SLC15A4: variants seen among roughly 807,000 people sequenced by gnomAD.
SLC15A4 encodes the protein hPHT1.
A neutral mutation model predicts 46.1 loss-of-function variants in SLC15A4; 26 were observed. The observed-to-expected ratio is 0.56, with a 90% CI of 0.41 to 0.78. SLC15A4 has a LOEUF of 0.78. SLC15A4 is among the 30% of genes least tolerant of loss of function. The pLI is 0.00. For missense variants in SLC15A4, 751 were observed against 755.7 expected (o/e 0.99, Z 0.07); for synonymous variants, 370 against 333.4 (o/e 1.11, Z -1.20).
At chr12:128,822,859 A>T (rs1168796806) in intron 1 of SLC15A4, among the ~76,000 whole-genome samples, 5 of 148,262 alleles carry the variant, frequency 3.4e-5, no homozygotes, top group Non-Finnish European at 5.9e-5. Context: ...TTATTTATTT[A>T]TTTTTTTGAG....
intron 3 of SLC15A4, chr12:128,809,675 C>A: frequency 1.8e-6 from 1 of 543,538 alleles, no homozygotes; most frequent in Admixed American, 3.7e-5. Flanking sequence ...AAAAGAATGG[C>A]CAGTTATCCA....
intron 7 of SLC15A4, among the ~76,000 whole-genome samples, chr12:128,794,740 G>A (rs772523258): frequency 6.6e-6 from 1 of 152,174 alleles, no homozygotes; most frequent in South Asian, 2.1e-4. Context: ...GGACAGTGTC[G>A]ACGGAGAGTG....
chr12:128,805,764 T>A (rs1399545783), intron 5 of SLC15A4, among the ~76,000 whole-genome samples: 2 of 152,174 alleles, frequency 1.3e-5, no homozygotes, highest in Non-Finnish European at 2.9e-5. Flanking sequence ...ACTCCCAACC[T>A]CAGGTGATCT....
intron 1 of SLC15A4, 158 bp from the exon 2 acceptor site, chr12:128,815,228 A>C (rs1955734913): frequency 4.4e-6 from 3 of 686,730 alleles, no homozygotes; most frequent in Non-Finnish European, 7.3e-6. Flanking sequence ...ACGGATCTCA[A>C]CAAAAAGCAC....
chr12:128,823,478 C>A lies in SLC15A4; in HGVS notation c.466G>T (p.Ala156Ser), dbSNP rs1044452337. ...ACCAGCACCAGCCCCGCGAAGGTGG[C>A]CGGTGAGCAGCAGCGGGCGGCGGCG... Reference protein sequence around the residue: ...PDAAARCCSPATFAGLVLVGL... With the variant: ...PDAAARCCSPSTFAGLVLVGL... Residue 156 changes from alanine (A) to serine (S), a missense_variant, in exon 1 of 8, where the codon GCC (alanine) becomes TCC (serine). Transcript: ENST00000266771. The A allele has an allele frequency of 2.7e-6, 4 of 1,484,800 alleles. No homozygotes were observed. Among genetic ancestry groups the A allele is most frequent in the Middle Eastern group, 2.3e-4 (1 of 4,334 alleles). The allele number at this position is 1,484,800 out of a possible 1,614,324, so 92.0% of individuals were successfully genotyped here.
At position 128,795,664 on chromosome 12, in the gene SLC15A4, G is replaced by A. The variant is rs921251324; in HGVS notation, c.1574-1308C>T. ...GCAAACTGGCAGTCTCTCCGCCAGA[G>A]AACAGAGTTCAGCCAGCACCGGCTA... On this transcript the variant is annotated intron_variant, in intron 7 of 7. Transcript: ENST00000266771. Among the ~76,000 whole-genome samples, 9 of 152,252 alleles carry A rather than the reference G, an allele frequency of 5.9e-5. No individual in the cohort carries two copies. The East Asian group carries it at 1.7e-3, about 29-fold the overall frequency.
intron 7 of SLC15A4, among the ~76,000 whole-genome samples, chr12:128,798,124 C>A (rs1247708758): frequency 4.6e-5 from 7 of 152,188 alleles, no homozygotes; most frequent in African/African-American, 1.7e-4. Context: ...CGAGAATGAC[C>A]AGCCAATCCT....
At position 128,800,882 on chromosome 12, in the gene SLC15A4, C is replaced by T. The variant is rs1444969270; in HGVS notation, c.1386G>A (p.Gly462=). The T allele has an allele frequency of 3.1e-6, 5 of 1,613,200 alleles. 1 individual carries two copies. Among genetic ancestry groups the T allele is most frequent in the South Asian group, 2.2e-5 (2 of 90,910 alleles). The part of the protein sequence containing the change: ...WWQVPQYLLI[G]ISEIFASIAG... The stretch of plus-strand genomic sequence containing the variant: ...CGATACTTGCAAAGATCTCGCTGAT[C>T]CCAATCAGCAAGTACTGCGGCACCT... The change falls in exon 6 of 8, where the codon GGG becomes GGA. Residue 462 remains glycine (G), a synonymous_variant. Transcript: ENST00000266771.
At chr12:128,799,469 T>G in intron 6 of SLC15A4, 52 bp from the exon 7 acceptor site, 1 of 1,597,714 alleles carries the variant, frequency 6.3e-7, no homozygotes, top group Non-Finnish European at 8.6e-7. Flanking sequence ...CTTTAACACA[T>G]GGGATCAAAG....
rs1299989615 is a variant in SLC15A4, at chr12:128,821,894, A to C, written c.546+1504T>G. ...AGCGAGACTCCGCCTCAAAAAAAAA[A>C]AAAAAAAAGAAAGAAAGAAAATATT... On this transcript the variant is annotated intron_variant, in intron 1 of 7. Coordinates refer to ENST00000266771, the MANE Select transcript of SLC15A4 (RefSeq NM_145648.4). Among the ~76,000 whole-genome samples, 596 of 152,052 alleles carry C rather than the reference A, an allele frequency of 3.9e-3. 7 individuals carry two copies. The highest frequency in any genetic ancestry group is 8.9e-3 in the African/African-American group (369 of 41,486).
rs201786635 is a variant in SLC15A4 at position 128,814,959 on chromosome 12, C to T, written c.658G>A (p.Val220Ile). 5.8e-5 allele frequency: 93 copies of T among 1,614,030 alleles called. No homozygotes were observed. The highest frequency in any genetic ancestry group is 4.9e-4 in the Middle Eastern group (3 of 6,084). The change falls in exon 2 of 8, where the codon GTC (valine) becomes ATC (isoleucine). Residue 220 changes from valine (V) to isoleucine (I), a missense_variant. By Grantham distance (29) the Val-to-Ile change is conservative. Coordinates refer to ENST00000266771, the MANE Select transcript of SLC15A4 (RefSeq NM_145648.4). ...ATCGCATAACCAGTGACAAAGCTGA[C>T]GTTCTGCTGAATATAGGCAATGCCA... ...LGGIAYIQQN[V>I]SFVTGYAIPT...
chr12:128,805,453 T>C (rs899967930), intron 5 of SLC15A4, among the ~76,000 whole-genome samples: 29 of 152,184 alleles, frequency 1.9e-4, no homozygotes, highest in African/African-American at 7.0e-4. Context: ...ATAAAGTAGT[T>C]ACCAATAAAC....
chr12:128,812,507 C>T (rs1463008123), intron 2 of SLC15A4, among the ~76,000 whole-genome samples: 3 of 152,216 alleles, frequency 2.0e-5, no homozygotes, highest in East Asian at 1.9e-4. Flanking sequence ...TTTTAGTAGA[C>T]GGGGTTTCAC....
chr12:128,808,842 G>A lies in SLC15A4; in HGVS notation c.1204C>T (p.Leu402=). The A allele has an allele frequency of 1.9e-6, 3 of 1,614,248 alleles. No individual in the cohort carries two copies. Among genetic ancestry groups the A allele is most frequent in the Admixed American group, 1.7e-5 (1 of 60,036 alleles). Residue 402 remains leucine (L), a synonymous_variant, in exon 5 of 8, where the codon CTG becomes TTG. Coordinates refer to ENST00000266771, the MANE Select transcript of SLC15A4 (RefSeq NM_145648.4). The part of the protein sequence containing the change: ...LRRHGLLPSS[L]KRIAVGMFFV... ...AACATGCCCACGGCGATCCTCTTCAGGGAGGATGGGAGCAGGCCATGTCTT... is the reference window on the plus strand; with the variant it reads ...AACATGCCCACGGCGATCCTCTTCAAGGAGGATGGGAGCAGGCCATGTCTT...
At chr12:128,807,553 A>AGC (rs1404960420) in intron 5 of SLC15A4, among the ~76,000 whole-genome samples, 2 of 152,316 alleles carry the variant, frequency 1.3e-5, no homozygotes, top group East Asian at 3.9e-4. Context: ...GCCAAAGCTG[A>AGC]GCCTGCGCTT....
chr12:128,814,689 A>C (rs1234103520), intron 2 of SLC15A4, 86 bp downstream of exon 2: 1 of 1,403,280 alleles, frequency 7.1e-7, no homozygotes, highest in African/African-American at 1.4e-5. Flanking sequence ...GCACACAATA[A>C]GCACACAACA....
chr12:128,798,921 C>A (rs532705951), intron 7 of SLC15A4, among the ~76,000 whole-genome samples: 31 of 152,262 alleles, frequency 2.0e-4, no homozygotes, highest in Admixed American at 7.8e-4. Flanking sequence ...AGCTGCCTCA[C>A]GAAGACTGAG....
intron 4 of SLC15A4, 164 bp downstream of exon 4, chr12:128,809,232 C>G: frequency 1.7e-6 from 1 of 587,892 alleles, no homozygotes; most frequent in South Asian, 2.5e-5. Flanking sequence ...AATGATACAA[C>G]CAATGAAAAA....
intron 2 of SLC15A4, among the ~76,000 whole-genome samples, chr12:128,812,598 G>T (rs976007756): frequency 2.6e-5 from 4 of 152,086 alleles, no homozygotes; most frequent in Non-Finnish European, 4.4e-5. Flanking sequence ...TTACGGGCTT[G>T]AGCCACCACG....
Sources: gnomAD v4.1 joint callset for allele counts (sites outside exome capture counted in the v4.1 genomes callset) on GRCh38, gnomAD v4.1.1 for gene constraint, MANE v1.5 for transcripts, NCBI Gene and HGNC (gene_info 2026-07-23, HGNC 2026-07-21) for gene names.